Variants in RILPL1 observed in about 807,000 individuals in gnomAD.
RILPL1 encodes RILP-like protein 1.
RILPL1 carries 33 observed loss-of-function variants against 50.3 expected under a neutral mutation model. The ratio of observed to expected loss-of-function variants is 0.66; its 90% CI spans 0.50 to 0.88. The LOEUF (loss-of-function observed/expected upper bound fraction) is 0.88. Ranked by LOEUF, RILPL1 falls within the 40% of genes least tolerant of loss-of-function variation. RILPL1 has a pLI of 0.00. For missense variants in RILPL1, 418 were observed against 542.5 expected, an observed-to-expected ratio of 0.77 and a Z score of 2.28; for synonymous variants, 205 against 228.6, an observed-to-expected ratio of 0.90 and a Z score of 0.93.
At chr12:123,493,886 G>A (rs1245239858) in intron 4 of RILPL1, among the ~76,000 whole-genome samples, 1 of 151,098 alleles carries the variant, frequency 6.6e-6, no homozygotes, top group African/African-American at 2.4e-5. Flanking sequence ...CCGGGTTCAA[G>A]CGATTCTCCT....
intron 2 of RILPL1, among the ~76,000 whole-genome samples, chr12:123,521,746 A>C (rs1375359705): frequency 7.2e-6 from 1 of 138,552 alleles, no homozygotes; most frequent in African/African-American, 2.7e-5. Context: ...TATATATAAA[A>C]ATATATATAT....
intron 6 of RILPL1, among the ~76,000 whole-genome samples, chr12:123,477,426 C>A (rs1159284697): frequency 6.6e-6 from 1 of 150,408 alleles, no homozygotes; most frequent in Non-Finnish European, 1.5e-5. Flanking sequence ...GCAACCTCCA[C>A]CTCCTGGGTT....
At chr12:123,495,403 C>A (rs1441598869) in intron 4 of RILPL1, among the ~76,000 whole-genome samples, 1 of 145,706 alleles carries the variant, frequency 6.9e-6, no homozygotes, top group African/African-American at 2.6e-5. Context: ...GAGACAGAGT[C>A]TCACTCTGTC....
chr12:123,481,085 G>A (rs1276402944), intron 6 of RILPL1, among the ~76,000 whole-genome samples: 1 of 152,102 alleles, frequency 6.6e-6, no homozygotes, highest in Admixed American at 6.6e-5. Context: ...GGCCGGGCGC[G>A]GTGGCTCACG....
At chr12:123,507,564 CAA>C (rs34340975) in intron 2 of RILPL1, among the ~76,000 whole-genome samples, 27 of 134,582 alleles carry the variant, frequency 2.0e-4, no homozygotes, top group Admixed American at 2.3e-4. Context: ...GATACTGTCT[CAA>C]AAAAAAAAAA....
chr12:123,503,825 C>A (rs1883559102), intron 2 of RILPL1, among the ~76,000 whole-genome samples: 1 of 151,712 alleles, frequency 6.6e-6, no homozygotes, highest in African/African-American at 2.4e-5. Context: ...CACGGTGAAA[C>A]CCTGTCTCTA....
chr12:123,480,696 C>G (rs1881916687), intron 6 of RILPL1, among the ~76,000 whole-genome samples: 1 of 151,932 alleles, frequency 6.6e-6, no homozygotes, highest in African/African-American at 2.4e-5. Context: ...CAAAGCCAGT[C>G]CCATTTCCTA....
rs889534074 is a variant in RILPL1 at position 123,491,154 on chromosome 12, G to T, written c.802-5349C>A. Among the ~76,000 whole-genome samples the T allele has an allele frequency of 6.6e-6, 1 of 152,204 alleles. No homozygotes were observed. The highest frequency in any genetic ancestry group is 2.4e-5 in the African/African-American group (1 of 41,454). On this transcript the variant is annotated intron_variant, in intron 4 of 6. Coordinates refer to ENST00000376874, the MANE Select transcript of RILPL1 (RefSeq NM_178314.5). This position sits in a 1 kb window ranked among gnomAD's most constrained non-coding sequence, Gnocchi z 4.0. ...TGACCGCAGGGCCACGGGCAGCCCA[G>T]GACTATCCGGTTCAGACTGGGAGGG...
chr12:123,486,774 G>C (rs943265121), intron 4 of RILPL1, among the ~76,000 whole-genome samples: 1 of 151,266 alleles, frequency 6.6e-6, no homozygotes, highest in Non-Finnish European at 1.5e-5. Context: ...CGAGTAGCTG[G>C]GATTACAGGT....
At chr12:123,474,161 CAGGCGTGAGCCACTGTGCCTGGCCAAAGT>C (rs1239964280) in intron 6 of RILPL1, 1 of 152,294 alleles carries the variant, frequency 6.6e-6, no homozygotes, top group Non-Finnish European at 1.5e-5. Flanking sequence ...GCTGGGATTA[CAGGCGTGAGCCACTGTGCCTGGCCAAAGT>C]AGTCCCTTTA....
In RILPL1 at chr12:123,484,236, G is replaced by A; in HGVS notation, c.1011C>T (p.Pro337=). 1 of 1,610,290 alleles carries A rather than the reference G, an allele frequency of 6.2e-7. No individual in the cohort carries two copies. Among genetic ancestry groups the A allele is most frequent in the East Asian group, 2.2e-5 (1 of 44,860 alleles). ...EMEEENRIPQ[P]PPIAHPRTSP... ...ACGTCCTCGGGTGGGCGATGGGTGGGGGTTGGGGTATTCGGTTTTCCTCTT... is the reference window on the plus strand; with the variant it reads ...ACGTCCTCGGGTGGGCGATGGGTGGAGGTTGGGGTATTCGGTTTTCCTCTT... The change falls in exon 6 of 7, where the codon CCC becomes CCT. Residue 337 remains proline (P), a synonymous_variant. Transcript: ENST00000376874.
chr12:123,533,258 G>A lies in RILPL1; in HGVS notation c.225C>T (p.Pro75=). The A allele has an allele frequency of 1.9e-6, 3 of 1,592,014 alleles. No individual in the cohort carries two copies. The highest frequency in any genetic ancestry group is 2.3e-5 in the East Asian group (1 of 44,350). The change falls in exon 1 of 7, where the codon CCC becomes CCT. Residue 75 remains proline (P), a synonymous_variant. Coordinates refer to ENST00000376874, the MANE Select transcript of RILPL1 (RefSeq NM_178314.5). The surrounding 1 kb of genome is among the most constrained non-coding windows in gnomAD (Gnocchi z 6.2). The stretch of plus-strand genomic sequence containing the variant: ...GCTCCAGGCGCAGCTCGTCCAGCTC[G>A]GGCGCGACGTGGTGGCGGCTGACCA... The part of the protein sequence containing the change: ...EVLVSRHHVA[P]ELDELRLELD...
At chr12:123,524,078 G>A (rs185240133) in intron 1 of RILPL1, among the ~76,000 whole-genome samples, 171 of 152,352 alleles carry the variant, frequency 1.1e-3, no homozygotes, top group Non-Finnish European at 2.0e-3. Flanking sequence ...TGCCGAGGCA[G>A]ACGGGGCCCC....
At chr12:123,490,265 C>T (rs1023943399) in intron 4 of RILPL1, among the ~76,000 whole-genome samples, 1 of 152,154 alleles carries the variant, frequency 6.6e-6, no homozygotes. Flanking sequence ...CCCAAACCCC[C>T]ACCTCTCGAG....
At chr12:123,510,764 G>A (rs1327793000) in intron 2 of RILPL1, among the ~76,000 whole-genome samples, 2 of 97,672 alleles carry the variant, frequency 2.0e-5, no homozygotes, top group East Asian at 7.9e-4. Context: ...GTGTGTGAAT[G>A]TGGGGTCTGT....
intron 2 of RILPL1, among the ~76,000 whole-genome samples, chr12:123,517,001 G>A (rs944595916): frequency 6.6e-6 from 1 of 152,290 alleles, no homozygotes; most frequent in East Asian, 1.9e-4. Flanking sequence ...GAGGGAGGAG[G>A]AGGTTGCAGT....
At chr12:123,488,288 A>C (rs1225509990) in intron 4 of RILPL1, among the ~76,000 whole-genome samples, 1 of 150,800 alleles carries the variant, frequency 6.6e-6, no homozygotes, top group African/African-American at 2.5e-5. Context: ...AAAAGAAAAG[A>C]AAATTAACTG....
chr12:123,474,719 G>A (rs1262746813), intron 6 of RILPL1: 1 of 152,214 alleles, frequency 6.6e-6, no homozygotes, highest in Non-Finnish European at 1.5e-5. Flanking sequence ...CTTGGTAAGA[G>A]ATATCATATA....
chr12:123,488,078 G>A (rs1021586623), intron 4 of RILPL1, among the ~76,000 whole-genome samples: 7 of 152,062 alleles, frequency 4.6e-5, no homozygotes, highest in African/African-American at 1.7e-4. Context: ...ACAGAGGTCA[G>A]GACAGCAGTG....
Sources: gnomAD v4.1 joint callset for allele counts (sites outside exome capture counted in the v4.1 genomes callset) on GRCh38, gnomAD v4.1.1 for gene constraint, Gnocchi (gnomAD v3.1) non-coding constraint, MANE v1.5 for transcripts, NCBI Gene and HGNC (gene_info 2026-07-23, HGNC 2026-07-21) for gene names.